Variants in LOC128462377 observed in about 807,000 individuals in gnomAD.
the LOC128462377 span, among the ~76,000 whole-genome samples, chr16:89,321,806 G>A: frequency 1.3e-5 from 2 of 152,158 alleles, no homozygotes; most frequent in Non-Finnish European, 2.9e-5. Context: ...TGCACTGCGT[G>A]GGTTCACTTA....
chr16:89,403,237 C>T, the LOC128462377 span, among the ~76,000 whole-genome samples: 4 of 152,206 alleles, frequency 2.6e-5, no homozygotes, highest in Non-Finnish European at 5.9e-5. Flanking sequence ...CGGGCACTGA[C>T]AGGAAGTATC....
the LOC128462377 span, among the ~76,000 whole-genome samples, chr16:89,397,845 A>G: frequency 1.3e-5 from 2 of 152,210 alleles, no homozygotes; most frequent in Non-Finnish European, 2.9e-5. Context: ...TCTCCCAGCT[A>G]GCTCACCACC....
At chr16:89,412,607 T>A in the LOC128462377 span, 1 of 152,136 alleles carries the variant, frequency 6.6e-6, no homozygotes, top group Admixed American at 6.6e-5. Flanking sequence ...CATTGGTGTT[T>A]TTGCATCCAT....
chr16:89,321,632 G>A, the LOC128462377 span, among the ~76,000 whole-genome samples: 1 of 151,984 alleles, frequency 6.6e-6, no homozygotes. Context: ...GTTCTGTTCT[G>A]CACACTAACA....
At chr16:89,393,308 ATT>A in the LOC128462377 span, among the ~76,000 whole-genome samples, 1 of 145,146 alleles carries the variant, frequency 6.9e-6, no homozygotes, top group Admixed American at 6.8e-5. Context: ...TACTTTTTTT[ATT>A]TTTATTTTTT....
the LOC128462377 span, among the ~76,000 whole-genome samples, chr16:89,410,904 T>A: frequency 6.6e-6 from 1 of 152,200 alleles, no homozygotes; most frequent in Admixed American, 6.5e-5. Flanking sequence ...CAGAGCCTTA[T>A]GTACTGGGCC....
chr16:89,354,128 G>C, the LOC128462377 span, among the ~76,000 whole-genome samples: 10 of 151,688 alleles, frequency 6.6e-5, no homozygotes, highest in Admixed American at 5.9e-4. Flanking sequence ...TCACTCCACT[G>C]CTTCTAAATA....
the LOC128462377 span, among the ~76,000 whole-genome samples, chr16:89,350,658 A>T: frequency 6.6e-6 from 1 of 152,220 alleles, no homozygotes; most frequent in Non-Finnish European, 1.5e-5. Context: ...ATGCTGCTGC[A>T]AAGAGGAAAG....
the LOC128462377 span, among the ~76,000 whole-genome samples, chr16:89,363,691 C>G: frequency 3.9e-5 from 6 of 152,132 alleles, no homozygotes; most frequent in Admixed American, 1.3e-4. Context: ...GTATGTGGCC[C>G]AGGCCCCTGT....
chr16:89,417,675 C>T, the LOC128462377 span, among the ~76,000 whole-genome samples: 1 of 152,132 alleles, frequency 6.6e-6, no homozygotes, highest in African/African-American at 2.4e-5. Flanking sequence ...CAGCACTATG[C>T]CCAGAAGCAC....
chr16:89,364,375 A>G, the LOC128462377 span, among the ~76,000 whole-genome samples: 1 of 152,248 alleles, frequency 6.6e-6, no homozygotes, highest in Non-Finnish European at 1.5e-5. Flanking sequence ...GACACCATGT[A>G]TTGTCTTACA....
the LOC128462377 span, among the ~76,000 whole-genome samples, chr16:89,334,338 T>G: frequency 1.3e-5 from 2 of 151,786 alleles, no homozygotes; most frequent in African/African-American, 4.8e-5. Flanking sequence ...CTGAAGTTGG[T>G]GACATGTGAG....
the LOC128462377 span, among the ~76,000 whole-genome samples, chr16:89,402,818 TG>T: frequency 1.0e-4 from 2 of 20,024 alleles, no homozygotes; most frequent in Non-Finnish European, 1.8e-4. Flanking sequence ...GGAATGAGGT[TG>T]GGGGGGCGGC....
chr16:89,351,937 G>T, the LOC128462377 span, among the ~76,000 whole-genome samples: 1 of 152,138 alleles, frequency 6.6e-6, no homozygotes, highest in African/African-American at 2.4e-5. Flanking sequence ...TTTGGAGACA[G>T]TCTCACTCTG....
chr16:89,324,184 TG>T, the LOC128462377 span: 1 of 1,155,270 alleles, frequency 8.7e-7, no homozygotes, highest in Non-Finnish European at 1.1e-6. Context: ...CGGCGGGGGG[TG>T]GCAGCACCGA....
the LOC128462377 span, among the ~76,000 whole-genome samples, chr16:89,319,026 G>C: frequency 6.6e-6 from 1 of 152,226 alleles, no homozygotes; most frequent in African/African-American, 2.4e-5. Flanking sequence ...CAAGCTCATG[G>C]CTGTCTAGAA....
chr16:89,333,546 T>C, the LOC128462377 span, among the ~76,000 whole-genome samples: 2 of 152,224 alleles, frequency 1.3e-5, no homozygotes, highest in South Asian at 2.1e-4. Flanking sequence ...CCCCAGCCCC[T>C]GGCGTCACTG....
At chr16:89,406,488 A>G in the LOC128462377 span, among the ~76,000 whole-genome samples, 1 of 152,216 alleles carries the variant, frequency 6.6e-6, no homozygotes, top group African/African-American at 2.4e-5. Context: ...GCACCGTGAC[A>G]AGACAACATG....
chr16:89,330,664 GGGGGGGGGGGGC>G, the LOC128462377 span, among the ~76,000 whole-genome samples: 9 of 56,358 alleles, frequency 1.6e-4, no homozygotes, highest in Admixed American at 6.8e-4. Context: ...GACTGGGGGG[GGGGGGGGGGGGC>G]GGGGGCGGAG....
Sources: gnomAD v4.1 joint callset for allele counts (sites outside exome capture counted in the v4.1 genomes callset) on GRCh38, gnomAD v4.1.1 for gene constraint, MANE v1.5 for transcripts.